Variants in CTNNA2 observed in about 807,000 individuals in gnomAD.
The protein encoded by CTNNA2 is catenin alpha 2.
In CTNNA2, 42 loss-of-function variants were observed where a neutral mutation model predicts 101.0. The observed-to-expected ratio is 0.42, with a 90% confidence interval of 0.32 to 0.54. The LOEUF (loss-of-function observed/expected upper bound fraction) is 0.54, where lower values mean the gene tolerates loss of function less well. Among genes scored for constraint, CTNNA2 ranks in the 20% least tolerant of loss-of-function variants. The pLI, the probability that CTNNA2 is intolerant of heterozygous loss-of-function variation, is 0.14. For missense variants in CTNNA2, 871 were observed against 1,223.1 expected (o/e 0.71, Z 4.29); for synonymous variants, 450 against 456.4 (o/e 0.99, Z 0.18).
intron 2 of CTNNA2, among the ~76,000 whole-genome samples, chr2:79,264,911 T>C (rs570686094): frequency 6.6e-6 from 1 of 152,270 alleles, no homozygotes; most frequent in African/African-American, 2.4e-5. Context: ...TGCCTCACCT[T>C]GTGAAAGATT....
Position 80,460,083 on chromosome 2 carries a change from T to G in CTNNA2, c.1290+40482T>G, listed in dbSNP as rs1387490809. On this transcript the variant is annotated intron_variant, in intron 9 of 18. Transcript: ENST00000402739. ...AATAAGTTACTAATGCTCCTGAAAT[T>G]TAAACTCTTAAGACTCTATACATAA... is the stretch of plus-strand genomic sequence containing the variant. 2.0e-5 allele frequency among the ~76,000 whole-genome samples: 3 copies of G among 152,172 alleles called. No individual in the cohort carries two copies. In the East Asian group the frequency reaches 5.8e-4, roughly 29 times the overall value.
At chr2:79,918,013 G>A (rs756540259) in intron 7 of CTNNA2, among the ~76,000 whole-genome samples, 1 of 152,108 alleles carries the variant, frequency 6.6e-6, no homozygotes, top group Non-Finnish European at 1.5e-5. Flanking sequence ...CCAAGGTATG[G>A]GATGATTATT....
intron 7 of CTNNA2, among the ~76,000 whole-genome samples, chr2:80,352,142 C>T (rs1273594266): frequency 6.6e-6 from 1 of 152,062 alleles, no homozygotes; most frequent in Non-Finnish European, 1.5e-5. Context: ...ATGTAGCAAT[C>T]CAGCTTTCAA....
At chr2:79,531,940 A>G (rs564431178) in intron 1 of CTNNA2, among the ~76,000 whole-genome samples, 12 of 152,176 alleles carry the variant, frequency 7.9e-5, no homozygotes, top group African/African-American at 2.9e-4. Flanking sequence ...TTGGCCTCCC[A>G]AAGTTCTGGG....
chr2:80,334,685 C>T (rs1231763372), intron 7 of CTNNA2, among the ~76,000 whole-genome samples: 1 of 152,174 alleles, frequency 6.6e-6, no homozygotes, highest in East Asian at 1.9e-4. Context: ...TTTTCTCTGA[C>T]TTCAGAGGGT....
At chr2:79,950,910 T>G (rs1479729978) in intron 7 of CTNNA2, among the ~76,000 whole-genome samples, 1 of 121,868 alleles carries the variant, frequency 8.2e-6, no homozygotes, top group East Asian at 2.7e-4. Flanking sequence ...GCATCATTTG[T>G]AGAGTCAGTC....
intron 1 of CTNNA2, among the ~76,000 whole-genome samples, chr2:79,518,251 C>A (rs1349677567): frequency 6.6e-6 from 1 of 152,016 alleles, no homozygotes; most frequent in African/African-American, 2.4e-5. Context: ...TTGGGGGAAG[C>A]CAGGTAATAC....
intron 4 of CTNNA2, among the ~76,000 whole-genome samples, chr2:79,859,502 C>T (rs1339987979): frequency 2.6e-5 from 4 of 152,110 alleles, no homozygotes. Flanking sequence ...CCTCAAATTC[C>T]AACACCTGCA....
intron 3 of CTNNA2, among the ~76,000 whole-genome samples, chr2:79,771,404 C>T (rs953054648): frequency 6.6e-6 from 1 of 152,152 alleles, no homozygotes; most frequent in Admixed American, 6.5e-5. Context: ...GATTCAAGCA[C>T]ATTATATTTG....
chr2:79,531,195 CATATAT>C (rs34087238), intron 1 of CTNNA2, among the ~76,000 whole-genome samples: 6,252 of 109,764 alleles, frequency 0.057, 186 homozygotes, highest in African/African-American at 0.08. Context: ...TAGATACGCT[CATATAT>C]ATATATATAT....
intron 7 of CTNNA2, among the ~76,000 whole-genome samples, chr2:80,127,413 G>A (rs922869199): frequency 6.6e-6 from 1 of 152,084 alleles, no homozygotes; most frequent in Non-Finnish European, 1.5e-5. Context: ...ACATGAAAGT[G>A]GTTAACACTA....
At chr2:80,003,422 A>G (rs1248977119) in intron 7 of CTNNA2, among the ~76,000 whole-genome samples, 1 of 152,162 alleles carries the variant, frequency 6.6e-6, no homozygotes, top group Non-Finnish European at 1.5e-5. Context: ...ACTCTTGCAT[A>G]CCTCAATGCA....
chr2:79,638,153 CATT>C (rs1412990582), intron 1 of CTNNA2, among the ~76,000 whole-genome samples: 6 of 152,118 alleles, frequency 3.9e-5, no homozygotes, highest in Non-Finnish European at 7.4e-5. Context: ...TCAGTGGAAT[CATT>C]GTTGTTTTGA....
chr2:80,240,458 C>T (rs927996442), intron 7 of CTNNA2, among the ~76,000 whole-genome samples: 4 of 152,150 alleles, frequency 2.6e-5, no homozygotes, highest in Non-Finnish European at 2.9e-5. Context: ...ATATGTGCAC[C>T]GTAGTCCCAC....
At chr2:80,463,264 T>C (rs139320923) in intron 9 of CTNNA2, among the ~76,000 whole-genome samples, 290 of 152,284 alleles carry the variant, frequency 1.9e-3, no homozygotes, top group Middle Eastern at 3.4e-3. Flanking sequence ...TCCAGTAACA[T>C]AGACATGTGA....
At chr2:80,485,893 C>G (rs1016215409) in intron 9 of CTNNA2, among the ~76,000 whole-genome samples, 8 of 152,082 alleles carry the variant, frequency 5.3e-5, no homozygotes, top group African/African-American at 1.7e-4. Flanking sequence ...TTATCTTGAG[C>G]TTCATGATGG....
rs969281674 is a variant in CTNNA2 at position 79,468,084 on chromosome 2, A to G, written c.-134-36970A>G. ...CTCCAATTAAAAGACACAGACTAGC[A>G]AATTAGATAAAGAGTCAAGACCCAT... On this transcript the variant is annotated intron_variant, in intron 4 of 21. Transcript: ENST00000466387. Among the ~76,000 whole-genome samples, 6 of 152,202 alleles carry G rather than the reference A, an allele frequency of 3.9e-5. No individual in the cohort carries two copies. The South Asian group carries it at 1.2e-3, about 31-fold the overall frequency.
chr2:79,584,655 GAGTAC>G (rs889354937), intron 1 of CTNNA2, among the ~76,000 whole-genome samples: 50 of 152,060 alleles, frequency 3.3e-4, no homozygotes, highest in African/African-American at 1.1e-3. Flanking sequence ...CTCCCAAAGG[GAGTAC>G]AGGCACACAC....
chr2:79,948,914 A>G (rs1422286126), intron 7 of CTNNA2, among the ~76,000 whole-genome samples: 3 of 152,036 alleles, frequency 2.0e-5, no homozygotes, highest in Admixed American at 6.6e-5. Flanking sequence ...CTTGCAGTGA[A>G]CTGAGATTGT....
Sources: allele counts gnomAD v4.1 joint callset (sites outside exome capture counted in the v4.1 genomes callset), GRCh38; gene constraint gnomAD v4.1.1; transcripts MANE v1.5; gene names NCBI Gene and HGNC (gene_info 2026-07-23, HGNC 2026-07-21).